The following FAM83B variants were observed in gnomAD, a reference collection of about 807,000 sequenced individuals.
FAM83B encodes protein FAM83B.
FAM83B carries 26 observed loss-of-function variants against 38.8 expected under a neutral mutation model. That is an observed-to-expected ratio of 0.67 (90% CI 0.49 to 0.93). The LOEUF (loss-of-function observed/expected upper bound fraction) is 0.93. Ranked by LOEUF, FAM83B falls within the 40% of genes least tolerant of loss-of-function variation. FAM83B has a pLI of 0.00. For missense variants in FAM83B, 1,237 were observed against 1,197.3 expected (o/e 1.03, Z -0.49); for synonymous variants, 419 against 423.1 (o/e 0.99, Z 0.12).
chr6:54,881,572 G>A (rs1267703541), intron 2 of FAM83B, among the ~76,000 whole-genome samples: 1 of 151,832 alleles, frequency 6.6e-6, no homozygotes, highest in Non-Finnish European at 1.5e-5. Flanking sequence ...AAAAAAAACT[G>A]AGTCATAGTA....
At chr6:54,900,837 G>A (rs1349636706) in intron 2 of FAM83B, among the ~76,000 whole-genome samples, 1 of 152,194 alleles carries the variant, frequency 6.6e-6, no homozygotes, top group Non-Finnish European at 1.5e-5. Context: ...CTTCTACTTA[G>A]TAAGAAAGGC....
intron 2 of FAM83B, among the ~76,000 whole-genome samples, chr6:54,888,848 T>G (rs559235621): frequency 2.6e-5 from 4 of 152,050 alleles, no homozygotes; most frequent in Non-Finnish European, 4.4e-5. Flanking sequence ...TACCTTCTGT[T>G]TCTCTTCTTC....
intron 2 of FAM83B, among the ~76,000 whole-genome samples, chr6:54,871,670 G>A (rs771727024): frequency 2.8e-5 from 4 of 144,644 alleles, no homozygotes; most frequent in Non-Finnish European, 6.0e-5. Flanking sequence ...TTGAACCTGG[G>A]AGGTGGAGGT....
At chr6:54,939,126 C>A (rs183061694) in intron 4 of FAM83B, among the ~76,000 whole-genome samples, 1 of 152,124 alleles carries the variant, frequency 6.6e-6, no homozygotes, top group Non-Finnish European at 1.5e-5. Flanking sequence ...GTGTCCTTTC[C>A]CCACTTTATA....
At chr6:54,920,645 G>A (rs987008088) in intron 2 of FAM83B, among the ~76,000 whole-genome samples, 1 of 151,858 alleles carries the variant, frequency 6.6e-6, no homozygotes, top group Non-Finnish European at 1.5e-5. Flanking sequence ...AGTTTTCAAT[G>A]TCAACACTAA....
At chr6:54,868,302 C>A (rs1344557002) in intron 1 of FAM83B, among the ~76,000 whole-genome samples, 1 of 152,082 alleles carries the variant, frequency 6.6e-6, no homozygotes, top group Non-Finnish European at 1.5e-5. Context: ...GGTCTCTAAT[C>A]ATTAGATGCT....
In FAM83B at chr6:54,940,715, G is replaced by C; in HGVS notation, c.1744G>C (p.Asp582His). Reference sequence around the variant, plus strand: ...AAGTGAGACACCTAAAGAGGTCCCAGACACCCCTACGAATGTACAGCATTT... The same window carrying C: ...AAGTGAGACACCTAAAGAGGTCCCACACACCCCTACGAATGTACAGCATTT... Reference protein sequence around the residue: ...QGSETPKEVPDTPTNVQHLTD... With the variant: ...QGSETPKEVPHTPTNVQHLTD... The change falls in exon 5 of 5, where the codon GAC becomes CAC. Residue 582 changes from aspartate to histidine, a missense_variant. Coordinates refer to ENST00000306858, the MANE Select transcript of FAM83B (RefSeq NM_001010872.3). 1 of 1,613,946 alleles carries C rather than the reference G, an allele frequency of 6.2e-7. No homozygotes were observed.
At position 54,939,851 on chromosome 6, in the gene FAM83B, G is replaced by A. The variant is rs138138380; in HGVS notation, c.880G>A (p.Val294Met). 1,778 of 1,614,000 alleles carry A rather than the reference G, an allele frequency of 1.1e-3. 2 individuals are homozygous for A. The highest frequency in any genetic ancestry group is 1.4e-3 in the Non-Finnish European group (1,670 of 1,179,970). ...ATTTGCTCAGGAAGAATCAGCAAGG[G>A]TGAAGCATGGAAAAGCCCTCTGGGA... ...SSFAQEESAR[V>M]KHGKALWENG... is the part of the protein sequence containing the mutation. Residue 294 changes from valine (V) to methionine (M), a missense_variant, in exon 5 of 5, where the codon GTG (valine) becomes ATG (methionine). Transcript: ENST00000306858.
intron 2 of FAM83B, among the ~76,000 whole-genome samples, chr6:54,918,380 C>T: frequency 6.6e-6 from 1 of 152,070 alleles, no homozygotes; most frequent in Non-Finnish European, 1.5e-5. Flanking sequence ...TGTATTAGTC[C>T]ATTCTCACAC....
At chr6:54,864,564 T>C (rs181870678) in intron 1 of FAM83B, among the ~76,000 whole-genome samples, 1 of 152,300 alleles carries the variant, frequency 6.6e-6, no homozygotes, top group Non-Finnish European at 1.5e-5. Flanking sequence ...GAAGCCAGCT[T>C]AGAATTTTTT....
chr6:54,931,750 A>T (rs1036349690), intron 4 of FAM83B, among the ~76,000 whole-genome samples: 1 of 151,974 alleles, frequency 6.6e-6, no homozygotes, highest in African/African-American at 2.4e-5. Flanking sequence ...TTTTTAATCC[A>T]TTCAGTCAAT....
chr6:54,884,626 G>A (rs1445710560), intron 2 of FAM83B, among the ~76,000 whole-genome samples: 5 of 152,038 alleles, frequency 3.3e-5, no homozygotes, highest in African/African-American at 1.2e-4. Context: ...TGCAGTTACT[G>A]CTGTGTCATA....
intron 1 of FAM83B, among the ~76,000 whole-genome samples, chr6:54,849,571 AG>A (rs1421864166): frequency 6.6e-6 from 1 of 151,940 alleles, no homozygotes; most frequent in Non-Finnish European, 1.5e-5. Flanking sequence ...GCTGTAAGGA[AG>A]GTGAGCCTTG....
chr6:54,910,729 T>C (rs1345896709), intron 2 of FAM83B, among the ~76,000 whole-genome samples: 4 of 152,226 alleles, frequency 2.6e-5, no homozygotes, highest in African/African-American at 7.2e-5. Context: ...TTGAAATCTC[T>C]TAGGGAAATT....
chr6:54,880,528 T>A (rs916681216), intron 2 of FAM83B, among the ~76,000 whole-genome samples: 1 of 133,612 alleles, frequency 7.5e-6, no homozygotes, highest in African/African-American at 2.8e-5. Context: ...CACTGCCACC[T>A]CTGCCTCTCA....
chr6:54,918,043 T>G (rs1773085186), intron 2 of FAM83B, among the ~76,000 whole-genome samples: 1 of 152,124 alleles, frequency 6.6e-6, no homozygotes, highest in Non-Finnish European at 1.5e-5. Flanking sequence ...AACTTTTCTG[T>G]AGGTTTGACA....
At chr6:54,905,564 G>A (rs559116163) in intron 2 of FAM83B, among the ~76,000 whole-genome samples, 188 of 151,930 alleles carry the variant, frequency 1.2e-3, no homozygotes, top group African/African-American at 4.2e-3. Flanking sequence ...ATGAACTATC[G>A]TCAACATGCT....
At chr6:54,865,894 TA>T (rs1240827101) in intron 1 of FAM83B, among the ~76,000 whole-genome samples, 1 of 151,954 alleles carries the variant, frequency 6.6e-6, no homozygotes, top group Non-Finnish European at 1.5e-5. Flanking sequence ...TTTCAAATCT[TA>T]AAATCTCTTA....
At chr6:54,863,836 G>T (rs1450184800) in intron 1 of FAM83B, among the ~76,000 whole-genome samples, 3 of 151,942 alleles carry the variant, frequency 2.0e-5, no homozygotes, top group African/African-American at 7.3e-5. Flanking sequence ...GTTGATTTCT[G>T]CAGATTATAT....
Sources: allele counts gnomAD v4.1 joint callset (sites outside exome capture counted in the v4.1 genomes callset), GRCh38; gene constraint gnomAD v4.1.1; transcripts MANE v1.5; gene names NCBI Gene and HGNC (gene_info 2026-07-23, HGNC 2026-07-21).